GPR137C: variants seen among roughly 807,000 people sequenced by gnomAD.
GPR137C encodes the protein G protein-coupled receptor 137C.
In GPR137C, 27 loss-of-function variants were observed where a neutral mutation model predicts 43.4. The observed-to-expected ratio is 0.62, with a 90% confidence interval of 0.46 to 0.86. The LOEUF (loss-of-function observed/expected upper bound fraction) is 0.86, where lower values mean the gene tolerates loss of function less well. GPR137C is among the 40% of genes least tolerant of loss of function. The pLI is 0.00. For missense variants in GPR137C, 522 were observed against 534.6 expected, an observed-to-expected ratio of 0.98 and a Z score of 0.23; for synonymous variants, 285 against 226.9, an observed-to-expected ratio of 1.26 and a Z score of -2.30.
chr14:52,560,998 AACTC>A (rs2038274798), intron 1 of GPR137C, among the ~76,000 whole-genome samples: 1 of 152,224 alleles, frequency 6.6e-6, no homozygotes, highest in African/African-American at 2.4e-5. Context: ...AAGAACTTAT[AACTC>A]AATAAGAAAA....
In GPR137C at chr14:52,600,195, G is replaced by C; in HGVS notation, c.571G>C (p.Asp191His). Residue 191 changes from aspartate to histidine, a missense_variant, in exon 3 of 7, where the codon GAT becomes CAT. By Grantham distance (81) the Asp-to-His change is moderately conservative (BLOSUM62 -1). This residue lies in a region of GPR137C where 437 missense variants were observed against 425.7 expected (regional missense o/e 1.03). Transcript: ENST00000321662. Reference sequence around the variant, plus strand: ...GACTTGCGCAATGCTAGTTCATGGAGATGTCCCAGAAAATCAGTTGAAGTG... The same window carrying C: ...GACTTGCGCAATGCTAGTTCATGGACATGTCCCAGAAAATCAGTTGAAGTG... Reference protein sequence around the residue: ...NLTCAMLVHGDVPENQLKWTV... With the variant: ...NLTCAMLVHGHVPENQLKWTV... The C allele has an allele frequency of 6.2e-7, 1 of 1,613,862 alleles. No individual in the cohort carries two copies. The highest frequency in any genetic ancestry group is 1.3e-5 in the African/African-American group (1 of 75,034).
At chr14:52,567,808 T>A (rs1446578050) in intron 1 of GPR137C, among the ~76,000 whole-genome samples, 1 of 151,950 alleles carries the variant, frequency 6.6e-6, no homozygotes, top group East Asian at 1.9e-4. Context: ...TACAGGTGCG[T>A]GCCTCCACGC....
chr14:52,634,207 G>T (rs2139587511), intron 6 of GPR137C, among the ~76,000 whole-genome samples: 1 of 152,172 alleles, frequency 6.6e-6, no homozygotes, highest in African/African-American at 2.4e-5. Flanking sequence ...TGTTGGTTCA[G>T]AGCTGTTTGT....
chr14:52,575,702 A>G (rs1404942869), intron 1 of GPR137C, among the ~76,000 whole-genome samples: 3 of 152,232 alleles, frequency 2.0e-5, no homozygotes, highest in Non-Finnish European at 4.4e-5. Flanking sequence ...GTACAAATAT[A>G]TCAAAGAAAA....
chr14:52,607,177 T>A (rs1417013130), intron 3 of GPR137C, among the ~76,000 whole-genome samples: 1 of 152,222 alleles, frequency 6.6e-6, no homozygotes, highest in Non-Finnish European at 1.5e-5. Context: ...TTTGTTTAAT[T>A]AATTTGTTGA....
rs1208114989 is a variant in GPR137C, at chr14:52,637,518, GA to G, written c.*2407del. 6.6e-6 allele frequency: 1 copy of G among 152,090 alleles called. No individual in the cohort carries two copies. Among genetic ancestry groups the G allele is most frequent in the Non-Finnish European group, 1.5e-5 (1 of 67,992 alleles). 9.4% of individuals were successfully genotyped at this position (152,090 alleles called of 1,614,324 possible). A position where few individuals can be genotyped will look rare whatever the true frequency, so the allele number is the denominator to read the frequency against. ...CATTGTAGTTGGTTGTAGTTTTATGGAAAATGTAATTTATAGCTAAAGTGGC... is the reference window on the plus strand; with the variant it reads ...CATTGTAGTTGGTTGTAGTTTTATGGAAATGTAATTTATAGCTAAAGTGGC... On this transcript the variant is annotated 3_prime_UTR_variant, in exon 7 of 7. Coordinates refer to ENST00000321662, the MANE Select transcript of GPR137C (RefSeq NM_001099652.2).
chr14:52,558,908 T>G (rs2038236464), intron 1 of GPR137C, among the ~76,000 whole-genome samples: 1 of 151,736 alleles, frequency 6.6e-6, no homozygotes. Context: ...AACCAATGGG[T>G]GAAGAGAGAA....
At chr14:52,580,790 T>C (rs532597232) in intron 1 of GPR137C, among the ~76,000 whole-genome samples, 1 of 144,222 alleles carries the variant, frequency 6.9e-6, no homozygotes, top group Non-Finnish European at 1.5e-5. Flanking sequence ...ATCTACTAAA[T>C]ATATTTATAT....
intron 3 of GPR137C, among the ~76,000 whole-genome samples, chr14:52,626,468 C>A (rs1463555452): frequency 1.3e-5 from 2 of 150,102 alleles, no homozygotes; most frequent in East Asian, 3.9e-4. Flanking sequence ...AAAAAAAAAA[C>A]CTCTCAGCTA....
At chr14:52,631,655 A>G (rs1310890838) in intron 3 of GPR137C, among the ~76,000 whole-genome samples, 1 of 152,138 alleles carries the variant, frequency 6.6e-6, no homozygotes, top group Non-Finnish European at 1.5e-5. Flanking sequence ...GGGTGCCCAG[A>G]ACATTTGCCA....
In GPR137C at chr14:52,554,727, AT is replaced by A. The variant is rs540792302; in HGVS notation, c.444+1137del. 7.0e-3 allele frequency among the ~76,000 whole-genome samples: 1,045 copies of A among 148,958 alleles called. 4 individuals carry two copies. The highest frequency in any genetic ancestry group is 0.011 in the Non-Finnish European group (744 of 67,360). ...CCAAGCAAAAGTAAAAAAAAAAAAA[AT>A]GACGTATATTAAGTGTTTATATTTC... On this transcript the variant is annotated intron_variant, in intron 1 of 6. Coordinates refer to ENST00000321662, the MANE Select transcript of GPR137C (RefSeq NM_001099652.2).
chr14:52,561,988 T>C (rs1555345998), intron 1 of GPR137C, among the ~76,000 whole-genome samples: 1 of 152,208 alleles, frequency 6.6e-6, no homozygotes, highest in Non-Finnish European at 1.5e-5. Context: ...TCAATGAAGT[T>C]GATTTTAAAA....
chr14:52,557,653 C>T (rs953863320), intron 1 of GPR137C, among the ~76,000 whole-genome samples: 1 of 152,170 alleles, frequency 6.6e-6, no homozygotes, highest in East Asian at 1.9e-4. Context: ...ATACCTGTAA[C>T]AAAAGACATG....
Position 52,553,606 on chromosome 14 carries a change from C to A in GPR137C, c.444+15C>A. 6.5e-7 allele frequency: 1 copy of A among 1,548,372 alleles called. No homozygotes were observed. On this transcript the variant is annotated intron_variant, in intron 1 of 6. Transcript: ENST00000321662. ...ACCTGGCGGAGGTAAGGCGGGAGGG[C>A]CGGCATGCGGGGCCCGGGCGGGTGC...
Position 52,635,075 on chromosome 14 carries a change from T to C in GPR137C, c.1250T>C (p.Leu417Ser), listed in dbSNP as rs2039338015. The change falls in exon 7 of 7, where the codon TTG becomes TCG. Residue 417 changes from leucine to serine, a missense_variant. By Grantham distance (145) the Leu-to-Ser change is moderately radical. Coordinates refer to ENST00000321662, the MANE Select transcript of GPR137C (RefSeq NM_001099652.2). ...CTCTTTACTTGTAGTAATTTAGATT[T>C]GAACAATCATCATAGCTTATATGTG... Reference protein sequence around the residue: ...PLLFTCSNLDLNNHHSLYVTP... With the variant: ...PLLFTCSNLDSNNHHSLYVTP... 6.2e-7 allele frequency: 1 copy of C among 1,603,048 alleles called. No individual in the cohort carries two copies. The highest frequency in any genetic ancestry group is 1.3e-5 in the African/African-American group (1 of 74,416).
chr14:52,619,990 A>G (rs549041838), intron 3 of GPR137C, among the ~76,000 whole-genome samples: 1 of 152,246 alleles, frequency 6.6e-6, no homozygotes, highest in South Asian at 2.1e-4. Flanking sequence ...CTCCTAATGG[A>G]CCAACTTTCC....
intron 3 of GPR137C, among the ~76,000 whole-genome samples, chr14:52,607,287 G>T (rs889730227): frequency 3.3e-5 from 5 of 152,150 alleles, no homozygotes; most frequent in Admixed American, 2.0e-4. Flanking sequence ...AATGTTTTAT[G>T]GATGTCTGTT....
At chr14:52,627,097 A>T (rs1182002362) in intron 3 of GPR137C, among the ~76,000 whole-genome samples, 4 of 152,082 alleles carry the variant, frequency 2.6e-5, no homozygotes, top group East Asian at 1.9e-4. Context: ...GCTTTTTTTT[A>T]AAAAAGGAAA....
chr14:52,599,842 G>A (rs1412186360), intron 2 of GPR137C, among the ~76,000 whole-genome samples: 1 of 152,182 alleles, frequency 6.6e-6, no homozygotes, highest in Admixed American at 6.5e-5. Context: ...TCTTGGATTG[G>A]AAAGGTTAAT....
Sources: gnomAD v4.1 joint callset for allele counts (sites outside exome capture counted in the v4.1 genomes callset) on GRCh38, gnomAD v4.1.1 for gene constraint, gnomAD v4.1.1 regional missense constraint, MANE v1.5 for transcripts, NCBI Gene and HGNC (gene_info 2026-07-23, HGNC 2026-07-21) for gene names.